KIAA1671: variants seen among roughly 807,000 people sequenced by gnomAD.
KIAA1671 encodes the protein uncharacterized protein KIAA1671.
Under a neutral mutation model 131.2 loss-of-function variants are expected in KIAA1671, and 52 were observed. The observed-to-expected ratio is 0.40, with a 90% confidence interval of 0.32 to 0.50. KIAA1671 has a LOEUF of 0.50. KIAA1671 is among the 20% of genes least tolerant of loss of function. KIAA1671 has a pLI of 0.73. For synonymous variants in KIAA1671, 1,003 were observed against 961.6 expected (o/e 1.04, Z -0.80); for missense variants, 2,360 against 2,364.2 (o/e 1.00, Z 0.04).
chr22:24,966,734 C>T (rs1922324549), intron 1 of KIAA1671, among the ~76,000 whole-genome samples: 1 of 152,168 alleles, frequency 6.6e-6, no homozygotes, highest in South Asian at 2.1e-4. Flanking sequence ...GGAAGGATTG[C>T]TTGAGCCCAG....
chr22:25,139,658 TATC>T (rs1232593198), intron 6 of KIAA1671, among the ~76,000 whole-genome samples: 1 of 152,176 alleles, frequency 6.6e-6, no homozygotes, highest in African/African-American at 2.4e-5. Flanking sequence ...AGCAGTCTAA[TATC>T]ATGGGTGGTG....
At chr22:24,992,814 C>CAA (rs761181079) in intron 1 of KIAA1671, among the ~76,000 whole-genome samples, 8,360 of 57,030 alleles carry the variant, frequency 0.15, 1,597 homozygotes, top group East Asian at 0.46. Flanking sequence ...GACTCCGTCT[C>CAA]AAAAAAAAAA....
At position 25,041,640 on chromosome 22, in the gene KIAA1671, G is replaced by C. The variant is rs1467628275; in HGVS notation, c.4395+115G>C. 25 of 1,110,032 alleles carry C rather than the reference G, an allele frequency of 2.3e-5. No individual in the cohort carries two copies. In the Admixed American group the frequency reaches 5.7e-4, roughly 25 times the overall value. The allele number at this position is 1,110,032 out of a possible 1,614,324, so 68.8% of individuals were successfully genotyped here. ...TGGGTACATAAATGAGTGGAGTCAG[G>C]CTGGGTATGAGGCTCCAGGGAGGGG... is the stretch of plus-strand genomic sequence containing the variant. On this transcript the variant is annotated intron_variant, in intron 5 of 12. Transcript: ENST00000358431.
chr22:25,123,677 G>T (rs1270382032), intron 6 of KIAA1671, among the ~76,000 whole-genome samples: 1 of 152,210 alleles, frequency 6.6e-6, no homozygotes, highest in Non-Finnish European at 1.5e-5. Flanking sequence ...ACACAGGTGA[G>T]CTTGGAAGCA....
chr22:25,021,560 T>G (rs1925669039), intron 1 of KIAA1671, among the ~76,000 whole-genome samples: 1 of 151,590 alleles, frequency 6.6e-6, no homozygotes, highest in Non-Finnish European at 1.5e-5. Flanking sequence ...GCTGTGTCCC[T>G]AGCGCCTGGC....
At chr22:25,072,991 A>G (rs926910334) in intron 6 of KIAA1671, among the ~76,000 whole-genome samples, 1 of 152,126 alleles carries the variant, frequency 6.6e-6, no homozygotes, top group African/African-American at 2.4e-5. Flanking sequence ...GGCCCTGGTA[A>G]TGTTGCCCAT....
intron 1 of KIAA1671, among the ~76,000 whole-genome samples, chr22:25,001,281 G>C (rs917951920): frequency 5.9e-5 from 9 of 151,900 alleles, no homozygotes; most frequent in Non-Finnish European, 1.0e-4. Context: ...GCATGTGTAT[G>C]TGTGTGCATG....
chr22:25,008,767 C>T (rs1318579474), intron 1 of KIAA1671, among the ~76,000 whole-genome samples: 1 of 152,226 alleles, frequency 6.6e-6, no homozygotes. Flanking sequence ...TCCCAGGGCC[C>T]AGCACTTACA....
chr22:25,088,550 C>T (rs974164547), intron 6 of KIAA1671, among the ~76,000 whole-genome samples: 1 of 152,200 alleles, frequency 6.6e-6, no homozygotes, highest in Non-Finnish European at 1.5e-5. Context: ...TGTGATGATG[C>T]AGTAACTGGA....
At chr22:25,150,889 G>A (rs1268464790) in intron 6 of KIAA1671, among the ~76,000 whole-genome samples, 4 of 148,330 alleles carry the variant, frequency 2.7e-5, no homozygotes, top group East Asian at 2.0e-4. Context: ...CTGGAGTGCC[G>A]TGGCGCAATC....
At chr22:25,007,573 C>A (rs1847325919) in intron 1 of KIAA1671, among the ~76,000 whole-genome samples, 1 of 151,898 alleles carries the variant, frequency 6.6e-6, no homozygotes, top group Admixed American at 6.6e-5. Flanking sequence ...GACTCTGGAC[C>A]ACACTGAAGA....
At chr22:25,164,460 A>G (rs1012317381) in intron 6 of KIAA1671, among the ~76,000 whole-genome samples, 4 of 152,208 alleles carry the variant, frequency 2.6e-5, no homozygotes, top group Non-Finnish European at 4.4e-5. Flanking sequence ...TAGAGATTGG[A>G]GACTTGGATA....
At chr22:25,137,358 C>CT (rs1391976779) in intron 6 of KIAA1671, among the ~76,000 whole-genome samples, 8 of 152,188 alleles carry the variant, frequency 5.3e-5, no homozygotes, top group African/African-American at 1.9e-4. Flanking sequence ...CCCGAATTCT[C>CT]TTCCTATGTT....
At chr22:25,130,298 A>G (rs548761136) in intron 6 of KIAA1671, among the ~76,000 whole-genome samples, 26 of 152,272 alleles carry the variant, frequency 1.7e-4, no homozygotes, top group African/African-American at 5.8e-4. Context: ...GGACATTCTC[A>G]TCTCCCAGAG....
At chr22:25,070,201 C>A (rs955288281) in intron 6 of KIAA1671, 12 of 393,964 alleles carry the variant, frequency 3.0e-5, no homozygotes, top group African/African-American at 2.5e-4. Flanking sequence ...CAGCCGTGGC[C>A]ATTAGTGGAG....
At chr22:25,058,278 C>G (rs1001909417) in intron 6 of KIAA1671, 5 of 152,134 alleles carry the variant, frequency 3.3e-5, no homozygotes, top group African/African-American at 1.2e-4. Flanking sequence ...ACACCCACAC[C>G]CAGTTTCCAA....
intron 6 of KIAA1671, among the ~76,000 whole-genome samples, chr22:25,146,598 C>T (rs1341559895): frequency 1.3e-5 from 2 of 152,180 alleles, no homozygotes; most frequent in African/African-American, 2.4e-5. Flanking sequence ...CTTTGACTCC[C>T]AGCACTGTGG....
At chr22:25,185,529 G>A (rs1934446671) in intron 11 of KIAA1671, 2 of 176,658 alleles carry the variant, frequency 1.1e-5, no homozygotes, top group Non-Finnish European at 2.4e-5. Context: ...AAAGGGCACG[G>A]CCAGGTTGAA....
intron 6 of KIAA1671, among the ~76,000 whole-genome samples, chr22:25,093,782 C>CTCTCTCTCTCTG (rs1930213448): frequency 7.9e-6 from 1 of 126,956 alleles, no homozygotes; most frequent in African/African-American, 3.2e-5. Context: ...CTCTCTCTCT[C>CTCTCTCTCTCTG]TCTCTCTCTC....
Sources: gnomAD v4.1 joint callset for allele counts (sites outside exome capture counted in the v4.1 genomes callset) on GRCh38, gnomAD v4.1.1 for gene constraint, MANE v1.5 for transcripts, NCBI Gene and HGNC (gene_info 2026-07-23, HGNC 2026-07-21) for gene names.